The following TMEM116 variants were observed in gnomAD, a reference collection of about 807,000 sequenced individuals.
TMEM116 encodes the protein transmembrane protein 116.
A neutral mutation model predicts 44.3 loss-of-function variants in TMEM116; 38 were observed. The ratio of observed to expected loss-of-function variants is 0.86; its 90% CI spans 0.66 to 1.12. TMEM116 has a LOEUF of 1.12. Among genes scored for constraint, TMEM116 ranks in the 50% most tolerant of loss-of-function variants. TMEM116 has a pLI of 0.00. For missense variants in TMEM116, 354 were observed against 401.7 expected (o/e 0.88, Z 1.01); for synonymous variants, 132 against 144.8 (o/e 0.91, Z 0.64).
intron 4 of TMEM116, among the ~76,000 whole-genome samples, chr12:111,965,007 T>C (rs1310412997): frequency 6.6e-6 from 1 of 151,844 alleles, no homozygotes; most frequent in African/African-American, 2.4e-5. Flanking sequence ...GAGCAAAGAG[T>C]TTTTCTAAAA....
chr12:111,993,841 T>C (rs1193482358), intron 3 of TMEM116: 7 of 750,228 alleles, frequency 9.3e-6, no homozygotes, highest in Non-Finnish European at 1.5e-5. Flanking sequence ...TTCTGTGGTA[T>C]CTGTGTTGAA....
At chr12:111,947,155 G>T (rs2073350544) in intron 4 of TMEM116, among the ~76,000 whole-genome samples, 2 of 145,844 alleles carry the variant, frequency 1.4e-5, no homozygotes, top group African/African-American at 2.5e-5. Context: ...ATAAATTTCT[G>T]TACTTGCTTT....
At chr12:111,962,704 T>C (rs2074682631) in intron 4 of TMEM116, among the ~76,000 whole-genome samples, 1 of 152,134 alleles carries the variant, frequency 6.6e-6, no homozygotes, top group African/African-American at 2.4e-5. Flanking sequence ...CTTAAAACCA[T>C]AAAAACCCTA....
intron 4 of TMEM116, among the ~76,000 whole-genome samples, chr12:111,975,986 T>G (rs1251302146): frequency 6.6e-6 from 1 of 152,048 alleles, no homozygotes; most frequent in Non-Finnish European, 1.5e-5. Flanking sequence ...TTAAGAAGTT[T>G]TTTTGTTTTG....
At chr12:111,978,140 G>A (rs1422060287) in intron 4 of TMEM116, among the ~76,000 whole-genome samples, 5 of 150,024 alleles carry the variant, frequency 3.3e-5, no homozygotes, top group South Asian at 2.1e-4. Context: ...GGTGGCTCAC[G>A]CCTGTAATCC....
chr12:111,988,060 A>G (rs1565944265), intron 4 of TMEM116, among the ~76,000 whole-genome samples: 1 of 152,260 alleles, frequency 6.6e-6, no homozygotes, highest in Non-Finnish European at 1.5e-5. Flanking sequence ...GCTAAGTGAA[A>G]TAAGCCGGAC....
intron 3 of TMEM116, among the ~76,000 whole-genome samples, chr12:111,999,779 C>A (rs1434682159): frequency 6.6e-5 from 10 of 152,024 alleles, no homozygotes; most frequent in Admixed American, 6.6e-4. Flanking sequence ...ACAACCTATC[C>A]AGCATGAATG....
chr12:111,942,331 GGCA>G, intron 5 of TMEM116, among the ~76,000 whole-genome samples: 1 of 151,894 alleles, frequency 6.6e-6, no homozygotes, highest in South Asian at 2.1e-4. Flanking sequence ...AGTGCAGTGT[GGCA>G]TGATCTCGGC....
intron 4 of TMEM116, among the ~76,000 whole-genome samples, chr12:111,961,332 G>C (rs908825424): frequency 1.3e-5 from 2 of 152,132 alleles, no homozygotes; most frequent in Non-Finnish European, 2.9e-5. Flanking sequence ...TATGAGGCCA[G>C]CATCATCCTG....
intron 4 of TMEM116, 22 bp downstream of exon 4, chr12:111,991,736 G>A (rs1447034610): frequency 1.3e-6 from 2 of 1,532,396 alleles, no homozygotes; most frequent in South Asian, 2.4e-5. Flanking sequence ...GCAAGGTGCA[G>A]TGACAGTCTT....
Position 111,943,319 on chromosome 12 carries a change from C to A in TMEM116, c.261G>T (p.Leu87Phe). The A allele has an allele frequency of 6.2e-7, 1 of 1,614,066 alleles. No homozygotes were observed. The highest frequency in any genetic ancestry group is 1.7e-4 in the Middle Eastern group (1 of 6,060). ...TGTGTTTCATCCTCAGCTCTGTGTA[C>A]AAATACCAGATGTAATTGACGGTGT... ...FLYTVNYIWY[L>F]YTELRMKHTQ... The change falls in exon 5 of 11, where the codon TTG (leucine) becomes TTT (phenylalanine). Residue 87 changes from leucine (L) to phenylalanine (F), a missense_variant. By Grantham distance (22) the Leu-to-Phe change is conservative (BLOSUM62 0). Coordinates refer to ENST00000552374, the MANE Select transcript of TMEM116 (RefSeq NM_001193531.2).
chr12:112,000,668 T>C (rs1350313162), intron 3 of TMEM116: 1 of 479,694 alleles, frequency 2.1e-6, no homozygotes, highest in African/African-American at 2.0e-5. Flanking sequence ...TCAGCCTTTA[T>C]TCCAATAATG....
chr12:111,990,184 G>C (rs971495496), intron 4 of TMEM116, among the ~76,000 whole-genome samples: 3 of 151,754 alleles, frequency 2.0e-5, no homozygotes, highest in African/African-American at 7.3e-5. Flanking sequence ...GAACCCGGGA[G>C]GTGGAGCTTG....
chr12:111,951,805 G>A lies in TMEM116; in HGVS notation c.211-8436C>T, dbSNP rs551541994. Among the ~76,000 whole-genome samples the A allele has an allele frequency of 2.6e-5, 4 of 151,542 alleles. No individual in the cohort carries two copies. The East Asian group carries it at 7.7e-4, about 29-fold the overall frequency. On this transcript the variant is annotated intron_variant, in intron 4 of 10. Coordinates refer to ENST00000552374, the MANE Select transcript of TMEM116 (RefSeq NM_001193531.2). ...ATAACAAACCTGCCCATGTACCCCT[G>A]AACTTAAAATAAGAGTTAAAAAAAA...
chr12:111,957,791 G>C (rs1412473787), intron 4 of TMEM116, among the ~76,000 whole-genome samples: 1 of 152,246 alleles, frequency 6.6e-6, no homozygotes, highest in African/African-American at 2.4e-5. Flanking sequence ...ACAGCTCATT[G>C]AGAACGGGCC....
At chr12:111,953,956 G>A (rs1477154038) in intron 4 of TMEM116, among the ~76,000 whole-genome samples, 1 of 152,068 alleles carries the variant, frequency 6.6e-6, no homozygotes, top group Non-Finnish European at 1.5e-5. Context: ...ATAGAAAATA[G>A]TTTCCAATAA....
rs182234615 is a variant in TMEM116, at chr12:111,980,762, C to T, written c.210+10996G>A. Among the ~76,000 whole-genome samples the T allele has an allele frequency of 4.1e-4, 63 of 152,196 alleles. 1 individual carries two copies. In the South Asian group the frequency reaches 7.5e-3, roughly 18 times the overall value. On this transcript the variant is annotated intron_variant, in intron 4 of 10. Transcript: ENST00000552374. The stretch of plus-strand genomic sequence containing the variant: ...ATAAAGTCTATTTTTAAAACTAGCA[C>T]GATATTTACATAGAGATAAAAAATA...
intron 4 of TMEM116, among the ~76,000 whole-genome samples, chr12:111,977,989 A>G (rs1270899646): frequency 6.6e-6 from 1 of 152,058 alleles, no homozygotes; most frequent in Non-Finnish European, 1.5e-5. Context: ...AAAGAGGAAG[A>G]TAAAGAACAG....
chr12:112,005,173 T>C (rs1032410900), intron 2 of TMEM116, 84 bp downstream of exon 2: 10 of 941,350 alleles, frequency 1.1e-5, no homozygotes, highest in African/African-American at 8.8e-5. Context: ...TAAAAGCAAA[T>C]CCCCAAGGGG....
Sources: gnomAD v4.1 joint callset for allele counts (sites outside exome capture counted in the v4.1 genomes callset) on GRCh38, gnomAD v4.1.1 for gene constraint, MANE v1.5 for transcripts, NCBI Gene and HGNC (gene_info 2026-07-23, HGNC 2026-07-21) for gene names.